MED12L: variants seen among roughly 807,000 people sequenced by gnomAD.
MED12L encodes mediator complex subunit 12L.
In MED12L, 60 loss-of-function variants were observed where a neutral mutation model predicts 281.3. The observed-to-expected ratio is 0.21, with a 90% confidence interval of 0.17 to 0.26. The LOEUF (loss-of-function observed/expected upper bound fraction) is 0.26. MED12L is among the 10% of genes least tolerant of loss of function. The pLI, the probability that MED12L is intolerant of heterozygous loss-of-function variation, is 1.00. For synonymous variants in MED12L, 974 were observed against 987.2 expected (o/e 0.99, Z 0.25); for missense variants, 2,146 against 2,680.9 (o/e 0.80, Z 4.41).
intron 16 of MED12L, chr3:151,328,103 A>G (rs780075715): frequency 6.2e-7 from 1 of 1,611,602 alleles, no homozygotes; most frequent in Admixed American, 1.7e-5. Flanking sequence ...ACATAAGAAT[A>G]TGTATATTAA....
chr3:151,289,579 T>C (rs1191734725), intron 16 of MED12L, among the ~76,000 whole-genome samples: 1 of 152,256 alleles, frequency 6.6e-6, no homozygotes, highest in Non-Finnish European at 1.5e-5. Context: ...ATATAGCTTT[T>C]TAAGACTGTT....
chr3:151,096,156 T>C (rs1169709265), intron 2 of MED12L, among the ~76,000 whole-genome samples: 1 of 152,120 alleles, frequency 6.6e-6, no homozygotes, highest in Non-Finnish European at 1.5e-5. Flanking sequence ...AAAGACAACA[T>C]GAGGAGTCAG....
At chr3:151,381,580 G>A (rs1254972496) in intron 32 of MED12L, among the ~76,000 whole-genome samples, 5 of 152,152 alleles carry the variant, frequency 3.3e-5, no homozygotes, top group Non-Finnish European at 5.9e-5. Context: ...CCAGAGATTA[G>A]CATGGCCTGC....
chr3:151,405,511 C>T (rs1716193420), intron 39 of MED12L, among the ~76,000 whole-genome samples: 1 of 152,146 alleles, frequency 6.6e-6, no homozygotes, highest in South Asian at 2.1e-4. Flanking sequence ...GTGGCTCATA[C>T]CTATAATCCC....
chr3:151,151,985 C>T (rs561285298), intron 5 of MED12L, among the ~76,000 whole-genome samples: 1 of 150,544 alleles, frequency 6.6e-6, no homozygotes, highest in South Asian at 2.1e-4. Flanking sequence ...CTGGAGCTAG[C>T]ATGGTGGTGA....
intron 16 of MED12L, among the ~76,000 whole-genome samples, chr3:151,210,447 T>C (rs775592451): frequency 1.3e-5 from 2 of 152,206 alleles, no homozygotes; most frequent in Admixed American, 1.3e-4. Flanking sequence ...TCCACCTCAG[T>C]GGGTAGATGT....
At chr3:151,183,282 T>A (rs1444587434) in intron 11 of MED12L, among the ~76,000 whole-genome samples, 1 of 152,238 alleles carries the variant, frequency 6.6e-6, no homozygotes, top group East Asian at 1.9e-4. Context: ...CCTGTGGATG[T>A]GCAGTGTATA....
In MED12L at chr3:151,376,079, A is replaced by G. The variant is rs1284957950; in HGVS notation, c.3918A>G (p.Lys1306=). ...AACCTGAAAGATTATGTACAGACAAAGAACTTATATTGGACCCTGTGCTTT... is the reference window on the plus strand; with the variant it reads ...AACCTGAAAGATTATGTACAGACAAGGAACTTATATTGGACCCTGTGCTTT... ...LKEPERLCTD[K]ELILDPVLSN... Residue 1306 remains lysine (K), a synonymous_variant, in exon 28 of 45, where the codon AAA becomes AAG. Coordinates refer to ENST00000687756, the MANE Select transcript of MED12L (RefSeq NM_001393769.1). 2 of 1,610,904 alleles carry G rather than the reference A, an allele frequency of 1.2e-6. No individual in the cohort carries two copies. The highest frequency in any genetic ancestry group is 3.4e-5 in the Admixed American group (2 of 59,238).
At chr3:151,154,315 T>C (rs747957136) in intron 5 of MED12L, among the ~76,000 whole-genome samples, 5 of 152,166 alleles carry the variant, frequency 3.3e-5, no homozygotes, top group Non-Finnish European at 7.3e-5. Context: ...GATTGTGGAA[T>C]AGTATATTCA....
chr3:151,123,684 G>T (rs1321359922), intron 4 of MED12L, among the ~76,000 whole-genome samples: 2 of 152,008 alleles, frequency 1.3e-5, no homozygotes, highest in East Asian at 3.9e-4. Flanking sequence ...TAATCCCAGG[G>T]GTCTTTTCTT....
At chr3:151,416,962 T>G (rs1024019435) in intron 43 of MED12L, among the ~76,000 whole-genome samples, 2 of 152,234 alleles carry the variant, frequency 1.3e-5, no homozygotes, top group Non-Finnish European at 2.9e-5. Flanking sequence ...CAAAGTTTTC[T>G]AAACCTCAGT....
intron 32 of MED12L, among the ~76,000 whole-genome samples, chr3:151,381,843 T>C (rs1431109289): frequency 6.6e-6 from 1 of 152,220 alleles, no homozygotes; most frequent in Non-Finnish European, 1.5e-5. Flanking sequence ...TGCTTTCCTC[T>C]CACCTTGCAG....
chr3:151,141,187 G>GTTTTTTTTTTTTGT (rs1716943585), intron 5 of MED12L, among the ~76,000 whole-genome samples: 2 of 99,108 alleles, frequency 2.0e-5, no homozygotes, highest in African/African-American at 4.8e-5. Context: ...TGTTTTTTTT[G>GTTTTTTTTTTTTGT]TTTTTTTTTT....
intron 5 of MED12L, among the ~76,000 whole-genome samples, chr3:151,139,329 A>G (rs1321575910): frequency 6.6e-6 from 1 of 152,220 alleles, no homozygotes; most frequent in Non-Finnish European, 1.5e-5. Flanking sequence ...GGAGAGTGGT[A>G]TTAGAAACCA....
At chr3:151,306,591 CT>C (rs1746690213) in intron 16 of MED12L, among the ~76,000 whole-genome samples, 1 of 152,232 alleles carries the variant, frequency 6.6e-6, no homozygotes, top group South Asian at 2.1e-4. Context: ...GACACCCAGC[CT>C]TGTGGTCCAC....
At chr3:151,199,923 T>G (rs1001870958) in intron 16 of MED12L, among the ~76,000 whole-genome samples, 1 of 151,888 alleles carries the variant, frequency 6.6e-6, no homozygotes, top group Non-Finnish European at 1.5e-5. Flanking sequence ...AAGGAGTTGA[T>G]GGAAAATCTC....
At chr3:151,339,953 T>G (rs1577373030) in intron 16 of MED12L, among the ~76,000 whole-genome samples, 1 of 152,124 alleles carries the variant, frequency 6.6e-6, no homozygotes, top group Admixed American at 6.6e-5. Context: ...TAACAAATTT[T>G]AAAAAATAAC....
At position 151,158,757 on chromosome 3, in the gene MED12L, G is replaced by T. The variant is rs1016539809; in HGVS notation, c.795G>T (p.Met265Ile). The change falls in exon 7 of 45, where the codon ATG becomes ATT. Residue 265 changes from methionine to isoleucine, a missense_variant. Met to Ile is a conservative substitution (Grantham distance 10). Around this residue, in one of 9 missense-constraint regions of MED12L, gnomAD observed 722 missense variants for 861.2 expected, o/e 0.84. Transcript: ENST00000687756. ...ATGTTTTAGAAAAGATCAGACCAAT[G>T]GATGATGATCTTCTTAAACTCTTGC... ...ILDVLEKIRP[M>I]DDDLLKLLLP... The T allele has an allele frequency of 1.2e-6, 2 of 1,612,952 alleles. No individual in the cohort carries two copies. Among genetic ancestry groups the T allele is most frequent in the African/African-American group, 2.7e-5 (2 of 74,886 alleles).
chr3:151,342,966 A>C (rs906258772), intron 16 of MED12L, among the ~76,000 whole-genome samples: 1 of 152,170 alleles, frequency 6.6e-6, no homozygotes, highest in Non-Finnish European at 1.5e-5. Flanking sequence ...AGAGCAGAGC[A>C]GTGAAGTTAG....
Sources: gnomAD v4.1 joint callset for allele counts (sites outside exome capture counted in the v4.1 genomes callset) on GRCh38, gnomAD v4.1.1 for gene constraint, gnomAD v4.1.1 regional missense constraint, MANE v1.5 for transcripts, NCBI Gene and HGNC (gene_info 2026-07-23, HGNC 2026-07-21) for gene names.